Variants in NBEA observed in about 807,000 individuals in gnomAD.
The protein encoded by NBEA is neurobeachin.
A neutral mutation model predicts 343.4 loss-of-function variants in NBEA; 44 were observed. The ratio of observed to expected loss-of-function variants is 0.13; its 90% CI spans 0.10 to 0.16. The LOEUF is 0.16. Ranked by LOEUF, NBEA falls within the 10% of genes least tolerant of loss-of-function variation. The probability of loss-of-function intolerance (pLI) is 1.00; values close to 1 mark genes in which losing one functional copy is unlikely to be tolerated. For missense variants in NBEA, 2,555 were observed against 3,631.3 expected, an observed-to-expected ratio of 0.70 and a Z score of 7.62; for synonymous variants, 1,175 against 1,238.7, an observed-to-expected ratio of 0.95 and a Z score of 1.08.
chr13:35,403,522 T>A (rs1250315240), intron 38 of NBEA, among the ~76,000 whole-genome samples: 1 of 152,074 alleles, frequency 6.6e-6, no homozygotes, highest in East Asian at 1.9e-4. Context: ...CCCTATTTAA[T>A]AAATGGTGCT....
intron 48 of NBEA, among the ~76,000 whole-genome samples, chr13:35,616,654 G>C (rs2082750751): frequency 6.6e-6 from 1 of 152,150 alleles, no homozygotes; most frequent in Non-Finnish European, 1.5e-5. Context: ...CTCTGAAGTA[G>C]GTTTTCCCTC....
intron 11 of NBEA, among the ~76,000 whole-genome samples, chr13:35,106,446 C>G (rs1271177631): frequency 6.6e-6 from 1 of 151,470 alleles, no homozygotes; most frequent in Non-Finnish European, 1.5e-5. Flanking sequence ...TAAACATTTC[C>G]TGAGAAATTA....
intron 35 of NBEA, among the ~76,000 whole-genome samples, chr13:35,300,832 A>G (rs2036490212): frequency 6.6e-6 from 1 of 152,142 alleles, no homozygotes; most frequent in South Asian, 2.1e-4. Context: ...TTCCTATAGG[A>G]TACATTTTTC....
At position 35,041,181 on chromosome 13, in the gene NBEA, C is replaced by A. The variant is rs753186964; in HGVS notation, c.526+17C>A. 3 of 1,584,010 alleles carry A rather than the reference C, an allele frequency of 1.9e-6. No individual in the cohort carries two copies. Among genetic ancestry groups the A allele is most frequent in the East Asian group, 2.2e-5 (1 of 44,512 alleles). The stretch of plus-strand genomic sequence containing the variant: ...TGATAGCAGGTATGGGGTTGTCTGA[C>A]AGGAAAGTATAACTTAAATGTTTAT... On this transcript the variant is annotated intron_variant, in intron 2 of 58. Transcript: ENST00000379939.
chr13:35,449,481 A>G (rs1052904969), intron 39 of NBEA, among the ~76,000 whole-genome samples: 2 of 152,234 alleles, frequency 1.3e-5, no homozygotes, highest in East Asian at 1.9e-4. Context: ...AGAAATGTTC[A>G]GTTAATAGTA....
intron 35 of NBEA, among the ~76,000 whole-genome samples, chr13:35,306,216 A>G (rs2036884455): frequency 6.6e-6 from 1 of 152,132 alleles, no homozygotes; most frequent in African/African-American, 2.4e-5. Context: ...CTGGTGTTCT[A>G]AAATTTAATG....
chr13:35,664,991 T>A (rs2085280903), intron 55 of NBEA, 94 bp from the exon 56 acceptor site: 2 of 835,028 alleles, frequency 2.4e-6, no homozygotes, highest in Non-Finnish European at 4.0e-6. Flanking sequence ...ATGCCCTTAA[T>A]AAACATGGGT....
intron 41 of NBEA, among the ~76,000 whole-genome samples, chr13:35,524,196 C>G (rs2077858682): frequency 6.6e-6 from 1 of 152,202 alleles, no homozygotes; most frequent in South Asian, 2.1e-4. Context: ...ATGTTACCCA[C>G]TCAACTCAGA....
chr13:35,103,858 C>T (rs2065778951), intron 11 of NBEA, among the ~76,000 whole-genome samples: 1 of 151,834 alleles, frequency 6.6e-6, no homozygotes, highest in Non-Finnish European at 1.5e-5. Context: ...TTCCTCTTTA[C>T]TTCTCAGCTC....
intron 1 of NBEA, among the ~76,000 whole-genome samples, chr13:35,015,184 C>CTTTCCATT (rs1337960742): frequency 7.1e-6 from 1 of 139,984 alleles, no homozygotes; most frequent in East Asian, 2.2e-4. Flanking sequence ...GCCTAGATCT[C>CTTTCCATT]TTTCCATTTA....
chr13:35,305,185 G>T (rs376845800), intron 35 of NBEA, among the ~76,000 whole-genome samples: 1 of 151,902 alleles, frequency 6.6e-6, no homozygotes, highest in East Asian at 1.9e-4. Context: ...TTATTTGTTG[G>T]CTAAGTTTTC....
chr13:35,075,457 T>A (rs2152586011), intron 10 of NBEA, among the ~76,000 whole-genome samples: 1 of 152,220 alleles, frequency 6.6e-6, no homozygotes, highest in African/African-American at 2.4e-5. Context: ...AAATAAATTA[T>A]CTTAAGTATA....
chr13:35,054,208 TTG>T (rs1327636107), intron 6 of NBEA, among the ~76,000 whole-genome samples: 1 of 152,166 alleles, frequency 6.6e-6, no homozygotes, highest in African/African-American at 2.4e-5. Context: ...AATATAAAGT[TTG>T]TGTCTTCTGT....
intron 1 of NBEA, among the ~76,000 whole-genome samples, chr13:35,014,291 T>A (rs533111915): frequency 6.6e-6 from 1 of 152,356 alleles, no homozygotes; most frequent in African/African-American, 2.4e-5. Context: ...TGGTAATTTT[T>A]GCAATCTATT....
intron 34 of NBEA, among the ~76,000 whole-genome samples, chr13:35,267,772 A>G (rs1186623187): frequency 2.0e-5 from 3 of 151,884 alleles, no homozygotes; most frequent in Admixed American, 1.3e-4. Flanking sequence ...CATTAGGGAA[A>G]TGCAAAACAA....
chr13:35,629,606 C>G (rs1205405105), intron 49 of NBEA, among the ~76,000 whole-genome samples: 1 of 152,058 alleles, frequency 6.6e-6, no homozygotes, highest in African/African-American at 2.4e-5. Flanking sequence ...AACATAGAGA[C>G]AGAATGAATG....
At chr13:35,508,356 T>A (rs1472352112) in intron 41 of NBEA, among the ~76,000 whole-genome samples, 1 of 152,208 alleles carries the variant, frequency 6.6e-6, no homozygotes, top group East Asian at 1.9e-4. Flanking sequence ...TTGAGGAGTT[T>A]ACATTTTACT....
At chr13:35,150,793 T>TTTAGAGTAGAGTAGAG (rs2068726745) in intron 18 of NBEA, among the ~76,000 whole-genome samples, 1 of 148,240 alleles carries the variant, frequency 6.7e-6, no homozygotes, top group Non-Finnish European at 1.5e-5. Context: ...TAATGATATT[T>TTTAGAGTAGAGTAGAG]TAGAGTAGAG....
chr13:35,667,356 G>C lies in NBEA; in HGVS notation c.8465-18G>C. On this transcript the variant is annotated intron_variant, in intron 56 of 58. Coordinates refer to ENST00000379939, the MANE Select transcript of NBEA (RefSeq NM_001385012.1). ...GTCGTCCCCAACTGACCCTGGCATT[G>C]ATGTCCCCACTTTGCAGAGGGCCCT... is the stretch of plus-strand genomic sequence containing the variant. The C allele has an allele frequency of 3.7e-6, 6 of 1,609,564 alleles. No homozygotes were observed. Among genetic ancestry groups the C allele is most frequent in the Non-Finnish European group, 5.1e-6 (6 of 1,177,152 alleles).
Sources: allele counts gnomAD v4.1 joint callset (sites outside exome capture counted in the v4.1 genomes callset), GRCh38; gene constraint gnomAD v4.1.1; transcripts MANE v1.5; gene names NCBI Gene and HGNC (gene_info 2026-07-23, HGNC 2026-07-21).